The following PTPRK variants were observed in gnomAD, a reference collection of about 807,000 sequenced individuals.
PTPRK encodes the protein protein tyrosine phosphatase receptor type K, also known as receptor-type tyrosine-protein phosphatase kappa.
Under a neutral mutation model 178.0 loss-of-function variants are expected in PTPRK, and 75 were observed. The observed-to-expected ratio is 0.42, with a 90% confidence interval of 0.35 to 0.51. The LOEUF (loss-of-function observed/expected upper bound fraction) is 0.51. Ranked by LOEUF, PTPRK falls within the 20% of genes least tolerant of loss-of-function variation. The probability of loss-of-function intolerance (pLI) is 0.02; values close to 1 mark genes in which losing one functional copy is unlikely to be tolerated. For synonymous variants in PTPRK, 637 were observed against 620.6 expected, an observed-to-expected ratio of 1.03 and a Z score of -0.39; for missense variants, 1,441 against 1,797.8, an observed-to-expected ratio of 0.80 and a Z score of 3.59.
chr6:128,212,210 T>C (rs17055443), intron 6 of PTPRK, among the ~76,000 whole-genome samples: 3,266 of 152,152 alleles, frequency 0.021, 97 homozygotes, highest in African/African-American at 0.045. Flanking sequence ...TATGAGATTC[T>C]TAAGTACTGA....
At chr6:127,977,598 A>G (rs1026440860) in intron 25 of PTPRK, among the ~76,000 whole-genome samples, 4 of 152,216 alleles carry the variant, frequency 2.6e-5, no homozygotes, top group African/African-American at 9.6e-5. Flanking sequence ...TTATGTGGAC[A>G]CTACCAGGAT....
chr6:128,169,431 T>G (rs1239594612), intron 7 of PTPRK, among the ~76,000 whole-genome samples: 1 of 152,070 alleles, frequency 6.6e-6, no homozygotes, highest in Non-Finnish European at 1.5e-5. Flanking sequence ...AAATTCATGC[T>G]TATTGCTATA....
At chr6:128,033,311 A>C (rs1775666636) in intron 13 of PTPRK, among the ~76,000 whole-genome samples, 1 of 152,198 alleles carries the variant, frequency 6.6e-6, no homozygotes, top group Admixed American at 6.5e-5. Context: ...TCTTGGCAGA[A>C]AGTGAAAGTT....
intron 25 of PTPRK, among the ~76,000 whole-genome samples, chr6:127,978,992 C>T (rs1167722402): frequency 6.6e-6 from 1 of 151,910 alleles, no homozygotes; most frequent in East Asian, 1.9e-4. Context: ...TATGAAATGT[C>T]TTTTTTTTGA....
intron 1 of PTPRK, among the ~76,000 whole-genome samples, chr6:128,398,139 C>T (rs765306300): frequency 3.3e-4 from 50 of 152,210 alleles, no homozygotes; most frequent in Non-Finnish European, 6.2e-4. Flanking sequence ...TGTGGGAGTG[C>T]GCGAGCAGCA....
chr6:128,188,073 G>A (rs1803085393), intron 6 of PTPRK, among the ~76,000 whole-genome samples: 2 of 152,030 alleles, frequency 1.3e-5, no homozygotes, highest in Admixed American at 1.3e-4. Context: ...CCAGAAGTGA[G>A]GTGCGAATAA....
intron 7 of PTPRK, among the ~76,000 whole-genome samples, chr6:128,140,006 TCTC>T (rs1795549226): frequency 6.6e-6 from 1 of 151,952 alleles, no homozygotes; most frequent in South Asian, 2.1e-4. Context: ...TGTCATTCCA[TCTC>T]CTCCTCTGCA....
intron 1 of PTPRK, among the ~76,000 whole-genome samples, chr6:128,414,353 C>T (rs539426486): frequency 4.8e-4 from 73 of 152,244 alleles, no homozygotes; most frequent in East Asian, 1.9e-4. Context: ...TCGCGGGACC[C>T]CTTCTTCCTA....
In PTPRK at chr6:128,519,414, A is replaced by C. The variant is rs1321494417; in HGVS notation, c.100+845T>G. ...CTTGTCTCCTTTTGGGTTCTCCGGC[A>C]GAAGGCAGACATTTACAGTCCGCTT... On this transcript the variant is annotated intron_variant, in intron 1 of 29. Coordinates refer to ENST00000368226, the MANE Select transcript of PTPRK (RefSeq NM_002844.4). This position sits in a 1 kb window ranked among gnomAD's most constrained non-coding sequence, Gnocchi z 4.3. Among the ~76,000 whole-genome samples, 1 of 152,120 alleles carries C rather than the reference A, an allele frequency of 6.6e-6. No individual in the cohort carries two copies. The highest frequency in any genetic ancestry group is 1.5e-5 in the Non-Finnish European group (1 of 68,026).
At chr6:128,513,206 C>T (rs555750115) in intron 1 of PTPRK, among the ~76,000 whole-genome samples, 30 of 151,892 alleles carry the variant, frequency 2.0e-4, no homozygotes, top group African/African-American at 6.3e-4. Flanking sequence ...CTCCAGGGGC[C>T]GGGCATGGTG....
intron 16 of PTPRK, among the ~76,000 whole-genome samples, chr6:127,997,736 T>C (rs1355243774): frequency 6.6e-6 from 1 of 152,082 alleles, no homozygotes; most frequent in African/African-American, 2.4e-5. Context: ...AATAGTCTAA[T>C]TCCTTGTACT....
At chr6:128,184,331 T>C (rs949056750) in intron 7 of PTPRK, 101 bp downstream of exon 7, 16 of 1,146,594 alleles carry the variant, frequency 1.4e-5, no homozygotes, top group South Asian at 3.1e-5. Context: ...AGTGTGACTA[T>C]ATCATATATC....
At chr6:128,396,957 C>T (rs1229534429) in intron 2 of PTPRK, among the ~76,000 whole-genome samples, 1 of 152,120 alleles carries the variant, frequency 6.6e-6, no homozygotes, top group African/African-American at 2.4e-5. Context: ...GAGATCAGGC[C>T]ACTGCATTCC....
chr6:128,069,505 G>C (rs533301637), intron 11 of PTPRK, among the ~76,000 whole-genome samples: 99 of 152,180 alleles, frequency 6.5e-4, no homozygotes, highest in African/African-American at 2.3e-3. Flanking sequence ...GCTGACATAT[G>C]CTATGTTTTA....
chr6:128,326,100 A>G (rs552399269), intron 2 of PTPRK, among the ~76,000 whole-genome samples: 31 of 152,300 alleles, frequency 2.0e-4, no homozygotes, highest in African/African-American at 7.2e-4. Flanking sequence ...TTTCTCACTC[A>G]TAAGTGGGAA....
At chr6:128,324,692 T>C (rs566486774) in intron 2 of PTPRK, among the ~76,000 whole-genome samples, 13 of 152,240 alleles carry the variant, frequency 8.5e-5, no homozygotes, top group Admixed American at 5.9e-4. Flanking sequence ...GGAATAATAA[T>C]GCATTTATTG....
At chr6:128,147,004 T>C (rs2114538052) in intron 7 of PTPRK, among the ~76,000 whole-genome samples, 1 of 152,156 alleles carries the variant, frequency 6.6e-6, no homozygotes, top group Non-Finnish European at 1.5e-5. Flanking sequence ...GTGGGAACAT[T>C]TCTCTTATTC....
At chr6:128,238,299 G>A in intron 5 of PTPRK, 9 of 328,112 alleles carry the variant, frequency 2.7e-5, no homozygotes, top group East Asian at 1.8e-4. Flanking sequence ...ATGGCAGGAG[G>A]AACATTTTTT....
chr6:128,063,160 C>T (rs1781155345), intron 13 of PTPRK, among the ~76,000 whole-genome samples: 1 of 152,162 alleles, frequency 6.6e-6, no homozygotes, highest in Non-Finnish European at 1.5e-5. Context: ...CCACACCACA[C>T]TGCATTCCTG....
Sources: gnomAD v4.1 joint callset for allele counts (sites outside exome capture counted in the v4.1 genomes callset) on GRCh38, gnomAD v4.1.1 for gene constraint, Gnocchi (gnomAD v3.1) non-coding constraint, MANE v1.5 for transcripts, NCBI Gene and HGNC (gene_info 2026-07-23, HGNC 2026-07-21) for gene names.